The following GREB1L variants were observed in gnomAD, a reference collection of about 807,000 sequenced individuals.
GREB1L encodes GREB1-like protein.
In GREB1L, 17 loss-of-function variants were observed where a neutral mutation model predicts 200.8. The observed-to-expected ratio is 0.08, with a 90% CI of 0.06 to 0.13. GREB1L has a LOEUF of 0.13. Ranked by LOEUF, GREB1L falls within the 10% of genes least tolerant of loss-of-function variation. The pLI, the probability that GREB1L is intolerant of heterozygous loss-of-function variation, is 1.00. For missense variants in GREB1L, 1,657 were observed against 2,367.7 expected, an observed-to-expected ratio of 0.70 and a Z score of 6.23; for synonymous variants, 789 against 893.0, an observed-to-expected ratio of 0.88 and a Z score of 2.08.
intron 7 of GREB1L, among the ~76,000 whole-genome samples, chr18:21,412,733 T>G (rs2031198085): frequency 6.6e-6 from 1 of 152,142 alleles, no homozygotes; most frequent in Non-Finnish European, 1.5e-5. Flanking sequence ...TTGACTTGGA[T>G]GGTGGTTTCA....
chr18:21,384,615 TAA>T (rs1009067946), intron 4 of GREB1L, among the ~76,000 whole-genome samples: 5 of 152,306 alleles, frequency 3.3e-5, no homozygotes, highest in South Asian at 2.1e-4. Flanking sequence ...TCTTAACAGA[TAA>T]AGAGACTGAA....
In GREB1L at chr18:21,364,775, G is replaced by A. The variant is rs187762685; in HGVS notation, c.-119-1252G>A. Among the ~76,000 whole-genome samples the A allele has an allele frequency of 5.9e-5, 9 of 151,922 alleles. No homozygotes were observed. In the East Asian group the frequency reaches 1.7e-3, roughly 29 times the overall value. On this transcript the variant is annotated intron_variant, in intron 1 of 32. Coordinates refer to ENST00000424526, the MANE Select transcript of GREB1L (RefSeq NM_001142966.3). ...ATGTCATTACTAACAGGTGAAGTGT[G>A]CAGCACGTGGCCAAAAATTAGCAAT...
At chr18:21,455,689 CAAAA>C (rs944776951) in intron 15 of GREB1L, among the ~76,000 whole-genome samples, 1 of 148,062 alleles carries the variant, frequency 6.8e-6, no homozygotes, top group Non-Finnish European at 1.5e-5. Flanking sequence ...AAAAAAAAAA[CAAAA>C]AAACAAAGAA....
intron 17 of GREB1L, among the ~76,000 whole-genome samples, chr18:21,482,987 C>T (rs565753102): frequency 1.3e-5 from 2 of 152,298 alleles, no homozygotes; most frequent in South Asian, 4.1e-4. Context: ...TCTGTTAAAA[C>T]TTTTGTAACA....
chr18:21,482,383 G>A (rs2035954258), intron 17 of GREB1L, among the ~76,000 whole-genome samples: 1 of 152,194 alleles, frequency 6.6e-6, no homozygotes, highest in Non-Finnish European at 1.5e-5. Context: ...TCAGCCTCCT[G>A]AGTAGCTGGG....
chr18:21,397,909 A>G (rs2041153659), intron 5 of GREB1L, among the ~76,000 whole-genome samples: 1 of 152,248 alleles, frequency 6.6e-6, no homozygotes, highest in East Asian at 1.9e-4. Flanking sequence ...TAAAAGACTC[A>G]GTCCTGTTCC....
At chr18:21,431,517 G>A (rs1228285263) in intron 7 of GREB1L, among the ~76,000 whole-genome samples, 1 of 152,110 alleles carries the variant, frequency 6.6e-6, no homozygotes, top group Non-Finnish European at 1.5e-5. Context: ...AGTTTATTGA[G>A]GCTTGTTTTA....
chr18:21,324,598 C>G (rs538240250), intron 1 of GREB1L, among the ~76,000 whole-genome samples: 3 of 152,150 alleles, frequency 2.0e-5, no homozygotes, highest in Admixed American at 6.5e-5. Flanking sequence ...GATCACAGGT[C>G]AGGAGATCGA....
chr18:21,245,125 G>A (rs2037574636), intron 1 of GREB1L, among the ~76,000 whole-genome samples: 1 of 152,146 alleles, frequency 6.6e-6, no homozygotes, highest in South Asian at 2.1e-4. Context: ...GTAAGGTTGT[G>A]AAAGTAAAAA....
intron 1 of GREB1L, among the ~76,000 whole-genome samples, chr18:21,362,757 A>G (rs2039598332): frequency 6.6e-6 from 1 of 152,190 alleles, no homozygotes; most frequent in African/African-American, 2.4e-5. Context: ...TCTGAATGTT[A>G]GAGTTATATT....
At chr18:21,448,485 C>T (rs1404738238) in intron 11 of GREB1L, among the ~76,000 whole-genome samples, 1 of 152,152 alleles carries the variant, frequency 6.6e-6, no homozygotes, top group Non-Finnish European at 1.5e-5. Flanking sequence ...ATGGGTCTGA[C>T]TCATTTGTGG....
intron 21 of GREB1L, among the ~76,000 whole-genome samples, chr18:21,499,022 T>C (rs2036667176): frequency 2.0e-5 from 3 of 152,156 alleles, no homozygotes; most frequent in Non-Finnish European, 4.4e-5. Flanking sequence ...TGGTCAAATA[T>C]GTGGGGCTAC....
At chr18:21,355,422 G>C (rs1255225964) in intron 1 of GREB1L, among the ~76,000 whole-genome samples, 1 of 152,092 alleles carries the variant, frequency 6.6e-6, no homozygotes, top group Non-Finnish European at 1.5e-5. Flanking sequence ...TGAAACTCCT[G>C]ACCTCGTGAT....
intron 17 of GREB1L, among the ~76,000 whole-genome samples, chr18:21,482,967 T>C (rs1276123817): frequency 2.6e-5 from 4 of 152,232 alleles, no homozygotes; most frequent in Non-Finnish European, 5.9e-5. Flanking sequence ...AAAGGATGGT[T>C]CCACTCATTT....
intron 2 of GREB1L, among the ~76,000 whole-genome samples, chr18:21,371,831 A>C (rs970811381): frequency 6.6e-6 from 1 of 151,642 alleles, no homozygotes; most frequent in African/African-American, 2.4e-5. Context: ...CATTTTCTGC[A>C]CTTTTTTTCT....
rs371826632 is a variant in GREB1L at position 21,444,346 on chromosome 18, G to A, written c.1330G>A (p.Gly444Ser). 3.6e-4 allele frequency: 553 copies of A among 1,552,228 alleles called. 1 individual carries two copies. The African/African-American group carries it at 6.8e-3, about 19-fold the overall frequency. Residue 444 changes from glycine to serine, a missense_variant, in exon 11 of 33, where the codon GGC (glycine) becomes AGC (serine). Gly to Ser is a moderately conservative substitution (Grantham distance 56). This residue lies in a region of GREB1L where 289 missense variants were observed against 345.1 expected (regional missense o/e 0.84). Transcript: ENST00000424526. ...AGATTTGGAAAAATTAGGGTTGACC[G>A]GCAGCCAATTTCTGAGCGTGGAAAA... ...NKDLEKLGLT[G>S]SQFLSVENMI...
At chr18:21,253,133 T>C (rs1484963348) in intron 1 of GREB1L, among the ~76,000 whole-genome samples, 1 of 152,186 alleles carries the variant, frequency 6.6e-6, no homozygotes, top group East Asian at 1.9e-4. Flanking sequence ...CAGGGTTTAC[T>C]TGACTTGCCC....
intron 1 of GREB1L, among the ~76,000 whole-genome samples, chr18:21,286,026 G>A (rs543523215): frequency 1.3e-5 from 2 of 152,162 alleles, no homozygotes; most frequent in Admixed American, 6.6e-5. Context: ...CTTGGAATAG[G>A]ACAATAATTT....
intron 1 of GREB1L, among the ~76,000 whole-genome samples, chr18:21,359,525 T>C (rs997923914): frequency 6.6e-6 from 1 of 152,206 alleles, no homozygotes; most frequent in Non-Finnish European, 1.5e-5. Flanking sequence ...TAGGTATCAC[T>C]TTCTTTGGTA....
Sources: gnomAD v4.1 joint callset for allele counts (sites outside exome capture counted in the v4.1 genomes callset) on GRCh38, gnomAD v4.1.1 for gene constraint, gnomAD v4.1.1 regional missense constraint, MANE v1.5 for transcripts, NCBI Gene and HGNC (gene_info 2026-07-23, HGNC 2026-07-21) for gene names.